BTBD9: variants seen among roughly 807,000 people sequenced by gnomAD.
The protein encoded by BTBD9 is BTB domain containing 9.
Under a neutral mutation model 64.3 loss-of-function variants are expected in BTBD9, and 49 were observed. The observed-to-expected ratio is 0.76, with a 90% CI of 0.61 to 0.97. The LOEUF (loss-of-function observed/expected upper bound fraction) is 0.97. Ranked by LOEUF, BTBD9 falls within the 50% of genes least tolerant of loss-of-function variation. BTBD9 has a pLI of 0.00. For missense variants in BTBD9, 598 were observed against 762.1 expected (o/e 0.78, Z 2.53); for synonymous variants, 260 against 274.7 (o/e 0.95, Z 0.53).
chr6:38,502,503 G>A (rs2127401761), intron 6 of BTBD9, among the ~76,000 whole-genome samples: 1 of 152,274 alleles, frequency 6.6e-6, no homozygotes. Flanking sequence ...GCTCTGAAGG[G>A]AAAGAATGCT....
chr6:38,302,524 T>TATATATATATATAA (rs1762452603), intron 7 of BTBD9, among the ~76,000 whole-genome samples: 1 of 137,684 alleles, frequency 7.3e-6, no homozygotes, highest in Non-Finnish European at 1.6e-5. Context: ...TATATATATA[T>TATATATATATATAA]CACATTCTCT....
intron 9 of BTBD9, among the ~76,000 whole-genome samples, chr6:38,253,829 C>T (rs1426086832): frequency 1.3e-5 from 2 of 151,866 alleles, no homozygotes; most frequent in Non-Finnish European, 2.9e-5. Context: ...CGGTACAGTC[C>T]TCTTTAGCAG....
chr6:38,630,746 A>G (rs1260942861), intron 1 of BTBD9, among the ~76,000 whole-genome samples: 2 of 152,354 alleles, frequency 1.3e-5, no homozygotes, highest in East Asian at 1.9e-4. Flanking sequence ...CCTAACTGCA[A>G]TATGTTCTGA....
At chr6:38,357,619 A>C (rs1764779571) in intron 6 of BTBD9, among the ~76,000 whole-genome samples, 1 of 152,200 alleles carries the variant, frequency 6.6e-6, no homozygotes, top group Admixed American at 6.5e-5. Context: ...ATTTGAGCAG[A>C]GGTCTTTGCT....
At chr6:38,491,059 C>T (rs542295511) in intron 6 of BTBD9, among the ~76,000 whole-genome samples, 16 of 152,268 alleles carry the variant, frequency 1.1e-4, no homozygotes, top group African/African-American at 3.9e-4. Context: ...AAGGGAAAAG[C>T]TGTTCATGAG....
At chr6:38,519,028 T>C (rs892801708) in intron 6 of BTBD9, among the ~76,000 whole-genome samples, 26 of 152,192 alleles carry the variant, frequency 1.7e-4, no homozygotes, top group African/African-American at 6.3e-4. Context: ...ATAAAACCAA[T>C]ACATATGCTT....
Position 38,172,000 on chromosome 6 carries a change from A to G in BTBD9, c.*2985T>C, listed in dbSNP as rs1309801346. The stretch of plus-strand genomic sequence containing the variant: ...CGCCCTTGTGTCCTTTCCATTGGTT[A>G]CTGAGGACCATTGCCCTCATGGGCC... On this transcript the variant is annotated 3_prime_UTR_variant, in exon 11 of 11. Coordinates refer to ENST00000481247, the MANE Select transcript of BTBD9 (RefSeq NM_001099272.2). 6.6e-6 allele frequency: 1 copy of G among 151,580 alleles called. No individual in the cohort carries two copies. The highest frequency in any genetic ancestry group is 6.6e-5 in the Admixed American group (1 of 15,224). 9.4% of individuals were successfully genotyped at this position (151,580 alleles called of 1,614,324 possible).
chr6:38,348,262 A>C (rs139839523), intron 6 of BTBD9, among the ~76,000 whole-genome samples: 1 of 152,354 alleles, frequency 6.6e-6, no homozygotes, highest in South Asian at 2.1e-4. Flanking sequence ...GTTCTCGGTC[A>C]TAACACCAAA....
intron 7 of BTBD9, among the ~76,000 whole-genome samples, chr6:38,341,556 T>G (rs1764099983): frequency 6.6e-6 from 1 of 152,214 alleles, no homozygotes; most frequent in South Asian, 2.1e-4. Context: ...AAAGGAAGAT[T>G]TGGAAATCCT....
chr6:38,442,493 T>C (rs1769080904), intron 6 of BTBD9, among the ~76,000 whole-genome samples: 1 of 151,594 alleles, frequency 6.6e-6, no homozygotes, highest in Non-Finnish European at 1.5e-5. Flanking sequence ...ACTATATATA[T>C]ATTTAAAATA....
At chr6:38,347,440 A>G (rs228185) in intron 6 of BTBD9, among the ~76,000 whole-genome samples, 41,733 of 152,144 alleles carry the variant, frequency 0.27, 6,613 homozygotes, top group East Asian at 0.46. Flanking sequence ...TGTAATGCTC[A>G]TAACAAGTTT....
At chr6:38,600,034 C>T (rs1249077285) in intron 1 of BTBD9, among the ~76,000 whole-genome samples, 4 of 152,188 alleles carry the variant, frequency 2.6e-5, no homozygotes, top group African/African-American at 9.6e-5. Context: ...TCTCTAGTCA[C>T]TTGTGTATGA....
At chr6:38,617,877 G>A (rs9470907) in intron 1 of BTBD9, among the ~76,000 whole-genome samples, 4,869 of 152,182 alleles carry the variant, frequency 0.032, 268 homozygotes, top group African/African-American at 0.11. Context: ...GAATGCATCC[G>A]TAAGGGCTAC....
At chr6:38,254,164 C>T (rs1340030513) in intron 9 of BTBD9, among the ~76,000 whole-genome samples, 4 of 151,390 alleles carry the variant, frequency 2.6e-5, no homozygotes, top group Admixed American at 2.6e-4. Context: ...GGCAGAACAA[C>T]AAGAAAGAAG....
intron 9 of BTBD9, among the ~76,000 whole-genome samples, chr6:38,247,427 C>T (rs1018856422): frequency 1.3e-5 from 2 of 152,192 alleles, no homozygotes; most frequent in Non-Finnish European, 2.9e-5. Flanking sequence ...GATATGAATA[C>T]AATCATGCTG....
chr6:38,583,814 C>G (rs1029567471), intron 4 of BTBD9, among the ~76,000 whole-genome samples: 13 of 152,148 alleles, frequency 8.5e-5, no homozygotes, highest in African/African-American at 2.7e-4. Flanking sequence ...CAGAGAACAT[C>G]TACACAAGTG....
intron 6 of BTBD9, among the ~76,000 whole-genome samples, chr6:38,359,291 A>G (rs1764859581): frequency 6.6e-6 from 1 of 152,102 alleles, no homozygotes; most frequent in Non-Finnish European, 1.5e-5. Context: ...TTCAAATTCT[A>G]CACAGCACCT....
At chr6:38,417,803 A>G (rs558601375) in intron 6 of BTBD9, among the ~76,000 whole-genome samples, 60,731 of 142,776 alleles carry the variant, frequency 0.43, 13,212 homozygotes, top group Non-Finnish European at 0.46. Flanking sequence ...AGAGAGAGAA[A>G]AAAAATATTG....
In BTBD9 at chr6:38,581,947, C is replaced by T. The variant is rs577743067; in HGVS notation, c.815-1510G>A. On this transcript the variant is annotated intron_variant, in intron 4 of 10. Coordinates refer to ENST00000481247, the MANE Select transcript of BTBD9 (RefSeq NM_001099272.2). ...ATGTTTACAGACTGTAAAAAAATACCGAATTCTCACAGTACACATACATTT... is the reference window on the plus strand; with the variant it reads ...ATGTTTACAGACTGTAAAAAAATACTGAATTCTCACAGTACACATACATTT... Among the ~76,000 whole-genome samples the T allele has an allele frequency of 2.6e-5, 4 of 152,086 alleles. No homozygotes were observed. The East Asian group carries it at 5.8e-4, about 22-fold the overall frequency.
Sources: allele counts gnomAD v4.1 joint callset (sites outside exome capture counted in the v4.1 genomes callset), GRCh38; gene constraint gnomAD v4.1.1; transcripts MANE v1.5; gene names NCBI Gene and HGNC (gene_info 2026-07-23, HGNC 2026-07-21).